GPRIN2: variants seen among roughly 807,000 people sequenced by gnomAD.
The protein encoded by GPRIN2 is G protein regulated inducer of neurite outgrowth 2.
In GPRIN2, 1 loss-of-function variant was observed where a neutral mutation model predicts 0.3. The ratio of observed to expected loss-of-function variants is 3.90; its 90% confidence interval spans 1.39 to 18.51. The LOEUF is 18.51. GPRIN2 is among the 30% of genes most tolerant of loss of function. The pLI is 0.11. For missense variants in GPRIN2, 880 were observed against 604.2 expected (o/e 1.46, Z -4.79); for synonymous variants, 361 against 258.6 (o/e 1.40, Z -3.80).
intron 1 of GPRIN2, chr10:46,555,449 G>A (rs1843081983): frequency 6.5e-6 from 1 of 153,790 alleles, no homozygotes; most frequent in Non-Finnish European, 1.4e-5. Context: ...CCTCCAGGAG[G>A]TGGTTTAATC....
At position 46,542,241 on chromosome 10, in the gene GPRIN2, C is replaced by G. The variant is rs1833072982; in HGVS notation, c.*7119G>C. Among the ~76,000 whole-genome samples, 155 of 152,334 alleles carry G rather than the reference C, an allele frequency of 1.0e-3. No individual in the cohort carries two copies. The highest frequency in any genetic ancestry group is 6.8e-3 in the Middle Eastern group (2 of 292). ...AGTGGAGGGGAGAATTCTACCCCTCCCAGGGTTCCAGCCCCAACAGAGGCT... is the reference window on the plus strand; with the variant it reads ...AGTGGAGGGGAGAATTCTACCCCTCGCAGGGTTCCAGCCCCAACAGAGGCT... On this transcript the variant is annotated 3_prime_UTR_variant, in exon 3 of 3. Transcript: ENST00000374314.
In GPRIN2 at chr10:46,550,153, G is replaced by A. The variant is rs1832464337; in HGVS notation, c.584C>T (p.Ser195Leu). The change falls in exon 3 of 3, where the codon TCA becomes TTA. Residue 195 changes from serine to leucine, a missense_variant. Transcript: ENST00000374314. ...SAWMLGASQL[S>L]VPPLDLGDTT... The stretch of plus-strand genomic sequence containing the variant: ...GTCCCCCAGGTCTAGTGGTGGCACT[G>A]ACAACTGACTCGCCCCCAGCATCCA... The A allele has an allele frequency of 1.4e-5, 22 of 1,599,358 alleles. No homozygotes were observed. Among genetic ancestry groups the A allele is most frequent in the Admixed American group, 6.7e-5 (4 of 59,370 alleles).
At position 46,550,056 on chromosome 10, in the gene GPRIN2, A is replaced by G. The variant is rs1832497860; in HGVS notation, c.681T>C (p.His227=). 1 of 1,613,782 alleles carries G rather than the reference A, an allele frequency of 6.2e-7. No individual in the cohort carries two copies. ...AGAGTAGAGCAGCTGGGGGCAGAGC[A>G]TGGCAGGTGGTGGTAGCCAGCTGTT... ...AAEQLATTTC[H]ALPPAALLCG... Residue 227 remains histidine, a synonymous_variant, in exon 3 of 3, where the codon CAT becomes CAC. Transcript: ENST00000374314.
rs1220636764 is a variant in GPRIN2 at position 46,551,471 on chromosome 10, T to C, written c.-6-729A>G. ...TGCATCAGCTTTTTCCATGAGGGAC[T>C]CATTCAGCATCTGGTCATTGATTCC... On this transcript the variant is annotated intron_variant, in intron 2 of 2. Coordinates refer to ENST00000374314, the MANE Select transcript of GPRIN2 (RefSeq NM_001385282.1). The C allele has an allele frequency of 1.0e-5, 10 of 985,412 alleles. No individual in the cohort carries two copies. In the African/African-American group the frequency reaches 1.6e-4, roughly 15 times the overall value. 61.0% of individuals were successfully genotyped at this position (985,412 alleles called of 1,614,324 possible).
In GPRIN2 at chr10:46,546,437, C is replaced by T. The variant is rs1565187266; in HGVS notation, c.*2923G>A. On this transcript the variant is annotated 3_prime_UTR_variant, in exon 3 of 3. Transcript: ENST00000374314. ...TTTACCAGGACAAAATAAACAAGAC[C>T]AGTCAGGACCGATGCCCCATCCCTG... is the stretch of plus-strand genomic sequence containing the variant. Among the ~76,000 whole-genome samples, 1 of 152,312 alleles carries T rather than the reference C, an allele frequency of 6.6e-6. No individual in the cohort carries two copies. Among genetic ancestry groups the T allele is most frequent in the African/African-American group, 2.4e-5 (1 of 41,488 alleles).
In GPRIN2 at chr10:46,547,957, C is replaced by T. The variant is rs1381859052; in HGVS notation, c.*1403G>A. ...TGCTTTACAAATTCACCAACTGTTG[C>T]ATGAGTCATTTCCACCTCAATGAGT... On this transcript the variant is annotated 3_prime_UTR_variant, in exon 3 of 3. Transcript: ENST00000374314. Among the ~76,000 whole-genome samples the T allele has an allele frequency of 6.6e-6, 1 of 152,308 alleles. No individual in the cohort carries two copies. The highest frequency in any genetic ancestry group is 1.5e-5 in the Non-Finnish European group (1 of 68,056).
rs1237153765 is a variant in GPRIN2, at chr10:46,547,931, C to G, written c.*1429G>C. 6.6e-6 allele frequency among the ~76,000 whole-genome samples: 1 copy of G among 152,304 alleles called. No homozygotes were observed. Among genetic ancestry groups the G allele is most frequent in the African/African-American group, 2.4e-5 (1 of 41,482 alleles). On this transcript the variant is annotated 3_prime_UTR_variant, in exon 3 of 3. Transcript: ENST00000374314. ...CTTGTGGCCTGTTGAAATGCCACTC[C>G]TGCTTTACAAATTCACCAACTGTTG...
chr10:46,549,225 TG>T lies in GPRIN2; in HGVS notation c.*134del. 1.6e-6 allele frequency: 2 copies of T among 1,222,998 alleles called. No individual in the cohort carries two copies. The highest frequency in any genetic ancestry group is 3.8e-5 in the South Asian group (2 of 53,294). The allele number at this position is 1,222,998 out of a possible 1,614,324, so 75.8% of individuals were successfully genotyped here. On this transcript the variant is annotated 3_prime_UTR_variant, in exon 3 of 3. Coordinates refer to ENST00000374314, the MANE Select transcript of GPRIN2 (RefSeq NM_001385282.1). ...AGCCCCAGGCTGCAGTCCTGTGGTC[TG>T]GAGGCAGCCAATATTCAGGTGAGAG...
In GPRIN2 at chr10:46,543,960, T is replaced by A. The variant is rs1841937307; in HGVS notation, c.*5400A>T. 6.7e-6 allele frequency among the ~76,000 whole-genome samples: 1 copy of A among 148,878 alleles called. No homozygotes were observed. ...TGGGCCCACGTCACTTTGGTTTCGC[T>A]TGTTTTTTTTTTTAGTAAACATCAG... On this transcript the variant is annotated 3_prime_UTR_variant, in exon 3 of 3. Coordinates refer to ENST00000374314, the MANE Select transcript of GPRIN2 (RefSeq NM_001385282.1).
upstream of GPRIN2, among the ~76,000 whole-genome samples, chr10:46,557,210 C>T (rs1831747630): frequency 0.01 from 1,576 of 151,510 alleles, no homozygotes; most frequent in African/African-American, 0.035. Context: ...CAGGCCTGGT[C>T]TCCACTAGCC....
intron 2 of GPRIN2, 133 bp from the exon 3 acceptor site, chr10:46,550,875 A>T (rs958630282): frequency 4.0e-6 from 4 of 993,254 alleles, no homozygotes; most frequent in Non-Finnish European, 5.6e-6. Context: ...ACTGGTCAGA[A>T]CCATATGCAA....
chr10:46,550,868 G>T, intron 2 of GPRIN2, 126 bp from the exon 3 acceptor site: 1 of 1,079,926 alleles, frequency 9.3e-7, no homozygotes, highest in Non-Finnish European at 1.3e-6. Context: ...CTGCCTGACT[G>T]GTCAGAACCA....
chr10:46,553,993 G>A (rs1286324398), intron 2 of GPRIN2, among the ~76,000 whole-genome samples: 1 of 152,310 alleles, frequency 6.6e-6, no homozygotes, highest in African/African-American at 2.4e-5. Flanking sequence ...TGCTTCCAAT[G>A]GGGGCTCTTC....
Position 46,550,638 on chromosome 10 carries a change from C to T in GPRIN2, c.99G>A (p.Arg33=), listed in dbSNP as rs1832294716. 1.3e-6 allele frequency: 2 copies of T among 1,570,406 alleles called. No homozygotes were observed. The highest frequency in any genetic ancestry group is 1.9e-5 in the Admixed American group (1 of 53,824). Residue 33 remains arginine, a synonymous_variant, in exon 3 of 3, where the codon CGG becomes CGA. Coordinates refer to ENST00000374314, the MANE Select transcript of GPRIN2 (RefSeq NM_001385282.1). Reference sequence around the variant, plus strand: ...TCTTGCGGAGCTCTGGCCTCTGTTCCCGGCCTTCACCCAGCAGGCTGGAAG... The same window carrying T: ...TCTTGCGGAGCTCTGGCCTCTGTTCTCGGCCTTCACCCAGCAGGCTGGAAG... ...QSSSSLLGEG[R]EQRPELRKTA... is the part of the protein sequence containing the mutation.
At position 46,545,382 on chromosome 10, in the gene GPRIN2, G is replaced by C. The variant is rs1016648385; in HGVS notation, c.*3978C>G. Among the ~76,000 whole-genome samples, 7 of 152,420 alleles carry C rather than the reference G, an allele frequency of 4.6e-5. No homozygotes were observed. Among genetic ancestry groups the C allele is most frequent in the South Asian group, 4.1e-4 (2 of 4,834 alleles). ...ACTCTGAGGTGGGACTGCATCCAGG[G>C]CTCCCCTTTAGGGTCTGACTTGGAC... On this transcript the variant is annotated 3_prime_UTR_variant, in exon 3 of 3. Transcript: ENST00000374314.
rs1588948586 is a variant in GPRIN2, at chr10:46,542,299, T to C, written c.*7061A>G. 6.6e-6 allele frequency among the ~76,000 whole-genome samples: 1 copy of C among 152,306 alleles called. No homozygotes were observed. The highest frequency in any genetic ancestry group is 2.4e-5 in the African/African-American group (1 of 41,486). On this transcript the variant is annotated 3_prime_UTR_variant, in exon 3 of 3. Coordinates refer to ENST00000374314, the MANE Select transcript of GPRIN2 (RefSeq NM_001385282.1). ...TGGGCCTTGCTCAGGCCTGGGAGGG[T>C]GATATGCTTTGGCTGTGTCCCCACC...
In GPRIN2 at chr10:46,546,161, A is replaced by T. The variant is rs1003067621; in HGVS notation, c.*3199T>A. Among the ~76,000 whole-genome samples, 5 of 152,304 alleles carry T rather than the reference A, an allele frequency of 3.3e-5. No homozygotes were observed. The highest frequency in any genetic ancestry group is 1.2e-4 in the African/African-American group (5 of 41,484). ...TGTGACCTCAGACCAGCTCTACTCT[A>T]TGAGTTTCTTGTGACAGTGATGGCA... is the stretch of plus-strand genomic sequence containing the variant. On this transcript the variant is annotated 3_prime_UTR_variant, in exon 3 of 3. Coordinates refer to ENST00000374314, the MANE Select transcript of GPRIN2 (RefSeq NM_001385282.1).
rs1244470561 is a variant in GPRIN2, at chr10:46,548,518, G to C, written c.*842C>G. On this transcript the variant is annotated 3_prime_UTR_variant, in exon 3 of 3. Transcript: ENST00000374314. ...TGGCCACCCATTCTCCCCTTCCTCA[G>C]GCCAGCCTCTGACACAATGACCCTG... 6.6e-6 allele frequency among the ~76,000 whole-genome samples: 1 copy of C among 152,304 alleles called. No individual in the cohort carries two copies. Among genetic ancestry groups the C allele is most frequent in the African/African-American group, 2.4e-5 (1 of 41,488 alleles).
At chr10:46,556,810 A>C (rs1588982125), upstream of GPRIN2, among the ~76,000 whole-genome samples, 2 of 147,592 alleles carry the variant, frequency 1.4e-5, no homozygotes, top group Non-Finnish European at 1.5e-5. Flanking sequence ...CTCCTTCCCG[A>C]CCCCTCCTCA....
Sources: allele counts gnomAD v4.1 joint callset (sites outside exome capture counted in the v4.1 genomes callset), GRCh38; gene constraint gnomAD v4.1.1; transcripts MANE v1.5; gene names NCBI Gene and HGNC (gene_info 2026-07-23, HGNC 2026-07-21).